DENND4A: variants seen among roughly 807,000 people sequenced by gnomAD.
DENND4A encodes DENN domain containing 4A.
Under a neutral mutation model 199.3 loss-of-function variants are expected in DENND4A, and 70 were observed. That is an observed-to-expected ratio of 0.35 (90% CI 0.29 to 0.43). The LOEUF (loss-of-function observed/expected upper bound fraction) is 0.43, where lower values mean the gene tolerates loss of function less well. Ranked by LOEUF, DENND4A falls within the 20% of genes least tolerant of loss-of-function variation. The pLI is 1.00. For synonymous variants in DENND4A, 686 were observed against 766.9 expected, an observed-to-expected ratio of 0.89 and a Z score of 1.74; for missense variants, 1,723 against 2,255.8, an observed-to-expected ratio of 0.76 and a Z score of 4.78.
chr15:65,697,875 T>A (rs759466983), intron 20 of DENND4A, among the ~76,000 whole-genome samples: 16 of 152,172 alleles, frequency 1.1e-4, no homozygotes, highest in Non-Finnish European at 2.1e-4. Context: ...TTTAAAAAAA[T>A]TTAGCTGAAT....
At chr15:65,772,116 T>A in intron 1 of DENND4A, 1 of 858,360 alleles carries the variant, frequency 1.2e-6, no homozygotes. Context: ...GACACATTTC[T>A]CAGCTTCATC....
chr15:65,774,972 A>C (rs1353557051), intron 1 of DENND4A, among the ~76,000 whole-genome samples: 1 of 151,474 alleles, frequency 6.6e-6, no homozygotes, highest in Non-Finnish European at 1.5e-5. Context: ...CCTTGGCTCA[A>C]GCAATCCTCC....
At chr15:65,763,448 G>T (rs1162573532) in intron 1 of DENND4A, among the ~76,000 whole-genome samples, 5 of 152,096 alleles carry the variant, frequency 3.3e-5, no homozygotes, top group Non-Finnish European at 7.4e-5. Flanking sequence ...AGCACTTTGG[G>T]AGGTTGAGGC....
intron 20 of DENND4A, among the ~76,000 whole-genome samples, chr15:65,698,886 T>C (rs985348493): frequency 5.3e-5 from 8 of 151,924 alleles, no homozygotes; most frequent in Admixed American, 5.3e-4. Context: ...TACAGGAATG[T>C]GCCACCATGC....
Position 65,698,848 on chromosome 15 carries a change from G to A in DENND4A, c.2834-1465C>T, listed in dbSNP as rs555084533. ...CACCTCCTGGGTTCAAGCAATTCTC[G>A]TGCCTACGCCTCCCAAGTAGCTGGG... On this transcript the variant is annotated intron_variant, in intron 20 of 32. Coordinates refer to ENST00000443035, the MANE Select transcript of DENND4A (RefSeq NM_001320835.1). 4.8e-5 allele frequency among the ~76,000 whole-genome samples: 7 copies of A among 144,952 alleles called. No individual in the cohort carries two copies. In the East Asian group the frequency reaches 8.1e-4, roughly 17 times the overall value.
chr15:65,725,120 T>C (rs772284037), intron 11 of DENND4A, among the ~76,000 whole-genome samples: 3 of 152,190 alleles, frequency 2.0e-5, no homozygotes, highest in Non-Finnish European at 4.4e-5. Flanking sequence ...GTACTTGAGT[T>C]TGGTCTATGA....
chr15:65,716,262 T>C (rs1027874216), intron 13 of DENND4A, among the ~76,000 whole-genome samples: 33 of 151,946 alleles, frequency 2.2e-4, no homozygotes, highest in African/African-American at 8.0e-4. Flanking sequence ...ATTATTATTA[T>C]ACTTTAAGTT....
intron 1 of DENND4A, among the ~76,000 whole-genome samples, chr15:65,785,789 T>G (rs1425552797): frequency 6.6e-6 from 1 of 152,126 alleles, no homozygotes; most frequent in Non-Finnish European, 1.5e-5. Context: ...GAAAGCTCAC[T>G]ATCAACAATA....
At chr15:65,756,812 G>T (rs909312602) in intron 2 of DENND4A, among the ~76,000 whole-genome samples, 2 of 152,132 alleles carry the variant, frequency 1.3e-5, no homozygotes, top group African/African-American at 2.4e-5. Flanking sequence ...AAGGCAGGTG[G>T]ATCACCTGAG....
intron 12 of DENND4A, among the ~76,000 whole-genome samples, chr15:65,721,593 TA>T (rs71447857): frequency 0.12 from 15,827 of 131,490 alleles, 1,235 homozygotes; most frequent in African/African-American, 0.24. Context: ...TGACTCCACT[TA>T]AAAAAAAAAA....
intron 13 of DENND4A, among the ~76,000 whole-genome samples, 166 bp from the exon 14 acceptor site, chr15:65,715,789 T>C (rs190254958): frequency 3.3e-5 from 5 of 152,218 alleles, no homozygotes; most frequent in Admixed American, 1.3e-4. Flanking sequence ...AATAGGAGAA[T>C]AGTAATAAAG....
chr15:65,741,068 CTA>C (rs959513412), intron 5 of DENND4A, among the ~76,000 whole-genome samples: 19 of 152,046 alleles, frequency 1.2e-4, no homozygotes, highest in African/African-American at 4.6e-4. Flanking sequence ...AAGATGGGGT[CTA>C]TGTTGCCCAG....
intron 20 of DENND4A, among the ~76,000 whole-genome samples, chr15:65,698,588 C>T (rs965765010): frequency 2.4e-4 from 37 of 151,956 alleles, no homozygotes; most frequent in African/African-American, 6.5e-4. Context: ...ACTTTAATAT[C>T]GTTGTTATAA....
Position 65,752,638 on chromosome 15 carries a change from A to C in DENND4A, c.312-10T>G, listed in dbSNP as rs1340782068. The C allele has an allele frequency of 1.4e-6, 2 of 1,444,626 alleles. No homozygotes were observed. The highest frequency in any genetic ancestry group is 1.9e-6 in the Non-Finnish European group (2 of 1,071,046). 89.5% of individuals were successfully genotyped at this position (1,444,626 alleles called of 1,614,324 possible). A position where few individuals can be genotyped will look rare whatever the true frequency, so the allele number is the denominator to read the frequency against. On this transcript the variant is annotated splice_polypyrimidine_tract_variant and intron_variant, in intron 3 of 32. Coordinates refer to ENST00000443035, the MANE Select transcript of DENND4A (RefSeq NM_001320835.1). The stretch of plus-strand genomic sequence containing the variant: ...CCAGTCATATAAAACCCTAAAAATA[A>C]ATTTTTAAAAATAAATACACAAAGC...
At chr15:65,731,295 G>T (rs924773352) in intron 9 of DENND4A, 2 of 328,222 alleles carry the variant, frequency 6.1e-6, no homozygotes, top group Non-Finnish European at 1.2e-5. Flanking sequence ...AAAATTAATT[G>T]CATTTTAAAA....
chr15:65,701,491 T>C (rs2074866307), intron 18 of DENND4A, among the ~76,000 whole-genome samples: 2 of 152,054 alleles, frequency 1.3e-5, no homozygotes, highest in South Asian at 4.2e-4. Context: ...CAATTGAGCC[T>C]GGGAGGTCAA....
chr15:65,772,621 C>T (rs943578785), intron 1 of DENND4A, among the ~76,000 whole-genome samples: 5 of 135,466 alleles, frequency 3.7e-5, no homozygotes, highest in South Asian at 4.9e-4. Context: ...GCAGGAGAAT[C>T]GCTTGAACCT....
Position 65,752,361 on chromosome 15 carries a change from TGC to T in DENND4A, c.561+16_561+17del. 7.0e-7 allele frequency: 1 copy of T among 1,428,716 alleles called. No homozygotes were observed. Among genetic ancestry groups the T allele is most frequent in the Middle Eastern group, 1.9e-4 (1 of 5,180 alleles). The allele number at this position is 1,428,716 out of a possible 1,614,324, so 88.5% of individuals were successfully genotyped here. A position where few individuals can be genotyped will look rare whatever the true frequency, so the allele number is the denominator to read the frequency against. On this transcript the variant is annotated intron_variant, in intron 4 of 32. Coordinates refer to ENST00000443035, the MANE Select transcript of DENND4A (RefSeq NM_001320835.1). ...TTTCATCAGTGGTTAATGTTACCAG[TGC>T]AAGTAAGTCACTTACCATACTGTTA...
In DENND4A at chr15:65,753,210, T is replaced by C. The variant is rs1373581741; in HGVS notation, c.312-582A>G. On this transcript the variant is annotated intron_variant, in intron 3 of 32. Coordinates refer to ENST00000443035, the MANE Select transcript of DENND4A (RefSeq NM_001320835.1). ...ACAGGGTGGACCTGGCATCCATTCA[T>C]TAAGTTTTCTATACTTAAGCACTAA... Among the ~76,000 whole-genome samples the C allele has an allele frequency of 2.6e-5, 4 of 152,296 alleles. No homozygotes were observed. In the East Asian group the frequency reaches 5.8e-4, roughly 22 times the overall value.
Sources: allele counts gnomAD v4.1 joint callset (sites outside exome capture counted in the v4.1 genomes callset), GRCh38; gene constraint gnomAD v4.1.1; transcripts MANE v1.5; gene names NCBI Gene and HGNC (gene_info 2026-07-23, HGNC 2026-07-21).